Variants in TAF1A observed in about 807,000 individuals in gnomAD.
The protein encoded by TAF1A is TATA box-binding protein-associated factor RNA polymerase I subunit A.
A neutral mutation model predicts 61.6 loss-of-function variants in TAF1A; 42 were observed. The ratio of observed to expected loss-of-function variants is 0.68; its 90% CI spans 0.53 to 0.88. The LOEUF is 0.88. TAF1A is among the 40% of genes least tolerant of loss of function. The probability of loss-of-function intolerance (pLI) is 0.00; values close to 1 mark genes in which losing one functional copy is unlikely to be tolerated. For missense variants in TAF1A, 424 were observed against 518.7 expected, an observed-to-expected ratio of 0.82 and a Z score of 1.77; for synonymous variants, 179 against 177.7, an observed-to-expected ratio of 1.01 and a Z score of -0.06.
chr1:222,585,812 A>AT (rs1385443068), intron 2 of TAF1A, among the ~76,000 whole-genome samples: 2 of 148,596 alleles, frequency 1.3e-5, no homozygotes, highest in African/African-American at 4.9e-5. Context: ...CTTGTTCATA[A>AT]TTTTTTTTAA....
chr1:222,583,829 C>T (rs1660898762), intron 3 of TAF1A, among the ~76,000 whole-genome samples: 3 of 142,798 alleles, frequency 2.1e-5, no homozygotes, highest in South Asian at 4.4e-4. Flanking sequence ...CAGAGCAAGA[C>T]TCCGTCTCAA....
intron 7 of TAF1A, among the ~76,000 whole-genome samples, 192 bp from the exon 8 acceptor site, chr1:222,564,317 A>AC (rs1660034417): frequency 4.6e-5 from 1 of 21,806 alleles, no homozygotes; most frequent in Non-Finnish European, 1.2e-4. Context: ...AAGCTGTCTT[A>AC]AAAAAAAAAA....
intron 2 of TAF1A, 101 bp downstream of exon 2, chr1:222,588,342 C>A: frequency 2.1e-6 from 3 of 1,415,096 alleles, no homozygotes; most frequent in Non-Finnish European, 2.9e-6. Context: ...TCCACATATT[C>A]CTCTTGAAAA....
rs34547178 is a variant in TAF1A, at chr1:222,568,181, G to GA, written c.894+1328dup. ...AACATAAAACTATACAACACATCTA[G>GA]AAAAAAAAAAAAAAAAGAACTCTTC... is the stretch of plus-strand genomic sequence containing the variant. On this transcript the variant is annotated intron_variant, in intron 7 of 10. Coordinates refer to ENST00000352967, the MANE Select transcript of TAF1A (RefSeq NM_005681.4). Among the ~76,000 whole-genome samples, 159 of 119,388 alleles carry GA rather than the reference G, an allele frequency of 1.3e-3. 1 individual carries two copies. Among genetic ancestry groups the GA allele is most frequent in the Non-Finnish European group, 2.1e-3 (116 of 55,986 alleles). 78.3% of individuals were successfully genotyped at this position (119,388 alleles called of 152,430 possible). A position where few individuals can be genotyped will look rare whatever the true frequency, so the allele number is the denominator to read the frequency against.
At chr1:222,556,998 T>C (rs534212446), downstream of TAF1A, among the ~76,000 whole-genome samples, 1 of 152,374 alleles carries the variant, frequency 6.6e-6, no homozygotes, top group East Asian at 1.9e-4. Flanking sequence ...CTACTCATTT[T>C]ACATGTACTT....
chr1:222,579,900 T>G (rs754640747), intron 3 of TAF1A, 28 bp from the exon 4 acceptor site: 76 of 1,583,852 alleles, frequency 4.8e-5, no homozygotes, highest in Non-Finnish European at 5.8e-5. Context: ...ACTGCCAAAA[T>G]GTAAAATTTT....
intron 7 of TAF1A, 184 bp downstream of exon 7, chr1:222,569,326 G>C (rs1183438363): frequency 6.6e-7 from 1 of 1,522,370 alleles, no homozygotes; most frequent in South Asian, 1.2e-5. Context: ...CCGGGCAGCA[G>C]GGGATAGTGT....
Position 222,569,673 on chromosome 1 carries a change from A to G in TAF1A, c.736-5T>C, listed in dbSNP as rs771114351. ...ATCCCCATAGAATTCCAGCATCTATATAAAATAAATCATAATATCTTAGCT... is the reference window on the plus strand; with the variant it reads ...ATCCCCATAGAATTCCAGCATCTATGTAAAATAAATCATAATATCTTAGCT... On this transcript the variant is annotated splice_region_variant and splice_polypyrimidine_tract_variant and intron_variant, in intron 6 of 10. Transcript: ENST00000352967. 6.2e-7 allele frequency: 1 copy of G among 1,606,256 alleles called. No individual in the cohort carries two copies. The highest frequency in any genetic ancestry group is 8.5e-7 in the Non-Finnish European group (1 of 1,177,584).
At chr1:222,565,670 T>C (rs1414296287) in intron 7 of TAF1A, among the ~76,000 whole-genome samples, 2 of 152,034 alleles carry the variant, frequency 1.3e-5, no homozygotes, top group African/African-American at 4.8e-5. Flanking sequence ...TAGTCCAGCC[T>C]GGGCAACATA....
In TAF1A at chr1:222,588,575, G is replaced by C; in HGVS notation, c.-2-10C>G. 1 of 1,611,632 alleles carries C rather than the reference G, an allele frequency of 6.2e-7. No homozygotes were observed. Among genetic ancestry groups the C allele is most frequent in the South Asian group, 1.1e-5 (1 of 90,402 alleles). On this transcript the variant is annotated splice_polypyrimidine_tract_variant and intron_variant, in intron 1 of 10. Transcript: ENST00000352967. ...CTGAAATCACTCATACCTATTACAA[G>C]ATGAGATATCAGTTACTTTCTGTAC...
chr1:222,561,507 G>A lies in TAF1A; in HGVS notation c.1097C>T (p.Ala366Val), dbSNP rs376999044. 2.2e-5 allele frequency: 35 copies of A among 1,592,336 alleles called. No individual in the cohort carries two copies. The Middle Eastern group carries it at 5.0e-4, about 23-fold the overall frequency. Residue 366 changes from alanine (A) to valine (V), a missense_variant, in exon 10 of 11, where the codon GCG becomes GTG. By Grantham distance (64) the Ala-to-Val change is moderately conservative (BLOSUM62 0). Coordinates refer to ENST00000352967, the MANE Select transcript of TAF1A (RefSeq NM_005681.4). Reference protein sequence around the residue: ...LKNILMGNHLAWVQEEWNSRK... With the variant: ...LKNILMGNHLVWVQEEWNSRK... ...GGAGTTCCACTCTTCTTGAACCCACGCAAGGTGGTTTCTGGAAAAGAAAAA... is the reference window on the plus strand; with the variant it reads ...GGAGTTCCACTCTTCTTGAACCCACACAAGGTGGTTTCTGGAAAAGAAAAA...
chr1:222,584,183 C>T lies in TAF1A; in HGVS notation c.236G>A (p.Ser79Asn). 6.2e-7 allele frequency: 1 copy of T among 1,612,392 alleles called. No homozygotes were observed. The highest frequency in any genetic ancestry group is 8.5e-7 in the Non-Finnish European group (1 of 1,179,584). Reference sequence around the variant, plus strand: ...TGAATCTTCCAAGGTCTGAAAATAACTGTACATGTATTCTGCAGCTTGCTG... The same window carrying T: ...TGAATCTTCCAAGGTCTGAAAATAATTGTACATGTATTCTGCAGCTTGCTG... ...QWQQAAEYMY[S>N]YFQTLEDSDS... is the part of the protein sequence containing the mutation. The change falls in exon 3 of 11, where the codon AGT becomes AAT. Residue 79 changes from serine (S) to asparagine (N), a missense_variant. Transcript: ENST00000352967.
chr1:222,555,147 G>C (rs1483258639), downstream of TAF1A, among the ~76,000 whole-genome samples: 1 of 152,168 alleles, frequency 6.6e-6, no homozygotes, highest in Non-Finnish European at 1.5e-5. Context: ...ATAAGTGCTA[G>C]GGAGGATGAA....
intron 7 of TAF1A, among the ~76,000 whole-genome samples, chr1:222,565,730 C>T (rs1571800086): frequency 6.6e-6 from 1 of 152,150 alleles, no homozygotes; most frequent in African/African-American, 2.4e-5. Flanking sequence ...GCCATGGTGG[C>T]GTGTGCCTGT....
intron 2 of TAF1A, 57 bp downstream of exon 2, chr1:222,588,386 A>G: frequency 1.9e-6 from 3 of 1,586,036 alleles, no homozygotes; most frequent in East Asian, 2.3e-5. Flanking sequence ...TTGTATCCCT[A>G]TTGAATCTTA....
chr1:222,558,917 A>G lies in TAF1A; in HGVS notation c.1241-145T>C, dbSNP rs1171564732. 7 of 436,564 alleles carry G rather than the reference A, an allele frequency of 1.6e-5. No individual in the cohort carries two copies. The South Asian group carries it at 4.1e-4, about 25-fold the overall frequency. 27.0% of individuals were successfully genotyped at this position (436,564 alleles called of 1,614,324 possible). A position where few individuals can be genotyped will look rare whatever the true frequency, so the allele number is the denominator to read the frequency against. ...TGTATTATCAATATGTCCTAAGCAT[A>G]TTCTCAGCTGTGCCCAATGAAATAC... On this transcript the variant is annotated intron_variant, in intron 10 of 10. Coordinates refer to ENST00000352967, the MANE Select transcript of TAF1A (RefSeq NM_005681.4).
Position 222,588,510 on chromosome 1 carries a change from C to G in TAF1A, c.54G>C (p.Val18=). The change falls in exon 2 of 11, where the codon GTG becomes GTC. Residue 18 remains valine, a synonymous_variant. Transcript: ENST00000352967. ...LKGPVTDDEE[V]ETSVLSGAGM... ...CTGCACCACTGAGCACAGATGTTTC[C>G]ACTTCTTCATCATCTGTCACAGGCC... The G allele has an allele frequency of 1.2e-6, 2 of 1,613,988 alleles. No individual in the cohort carries two copies. Among genetic ancestry groups the G allele is most frequent in the Non-Finnish European group, 1.7e-6 (2 of 1,179,912 alleles).
chr1:222,569,795 T>C, intron 6 of TAF1A, 127 bp from the exon 7 acceptor site: 1 of 837,670 alleles, frequency 1.2e-6, no homozygotes, highest in Non-Finnish European at 1.8e-6. Context: ...TTCCCATTTT[T>C]TCCCTGTATT....
intron 5 of TAF1A, among the ~76,000 whole-genome samples, chr1:222,576,042 T>C (rs1369410881): frequency 2.1e-4 from 32 of 152,200 alleles, no homozygotes; most frequent in Admixed American, 1.8e-3. Context: ...ACATCAAACA[T>C]TGATTAGTCT....
Sources: allele counts gnomAD v4.1 joint callset (sites outside exome capture counted in the v4.1 genomes callset), GRCh38; gene constraint gnomAD v4.1.1; transcripts MANE v1.5; gene names NCBI Gene and HGNC (gene_info 2026-07-23, HGNC 2026-07-21).